Variants in LHX4 observed in about 807,000 individuals in gnomAD.
LHX4 encodes LIM homeobox 4.
LHX4 carries 16 observed loss-of-function variants against 39.2 expected under a neutral mutation model. The ratio of observed to expected loss-of-function variants is 0.41; its 90% CI spans 0.28 to 0.62. LHX4 has a LOEUF of 0.62. LHX4 is among the 20% of genes least tolerant of loss of function. The pLI is 0.33. For missense variants in LHX4, 439 were observed against 511.9 expected (o/e 0.86, Z 1.37); for synonymous variants, 206 against 198.1 (o/e 1.04, Z -0.33).
At chr1:180,271,722 C>A in intron 4 of LHX4, 113 bp from the exon 5 acceptor site, 1 of 1,338,098 alleles carries the variant, frequency 7.5e-7, no homozygotes, top group Non-Finnish European at 1.1e-6. Context: ...CACTCCCAGA[C>A]CTGTGCTCCA....
In LHX4 at chr1:180,266,860, G is replaced by A. The variant is rs918323387; in HGVS notation, c.451+266G>A. ...GCCTGTCTCCATGGTAGGCTCAGAA[G>A]CAGCCAAGAACCTGGTTGTTACCAT... On this transcript the variant is annotated intron_variant, in intron 3 of 5. Coordinates refer to ENST00000263726, the MANE Select transcript of LHX4 (RefSeq NM_033343.4). The surrounding 1 kb of genome is among the most constrained non-coding windows in gnomAD (Gnocchi z 5.7). Among the ~76,000 whole-genome samples the A allele has an allele frequency of 5.4e-4, 82 of 152,360 alleles. No individual in the cohort carries two copies. The highest frequency in any genetic ancestry group is 2.6e-3 in the Admixed American group (40 of 15,306).
chr1:180,271,683 C>T, intron 4 of LHX4, 149 bp downstream of exon 4: 1 of 1,311,318 alleles, frequency 7.6e-7, no homozygotes, highest in Non-Finnish European at 1.1e-6. Context: ...TTCTGAGGCC[C>T]ACCTGGGGAG....
rs139824580 is a variant in LHX4, at chr1:180,248,680, A to C, written c.248+224A>C. On this transcript the variant is annotated intron_variant, in intron 2 of 5. Transcript: ENST00000263726. The stretch of plus-strand genomic sequence containing the variant: ...CCTCTAGACCTCATTTGATCTCTGC[A>C]TGGGGCAGGGGTGAGGAGCCAGAGG... 774 of 614,534 alleles carry C rather than the reference A, an allele frequency of 1.3e-3. 3 individuals carry two copies. Among genetic ancestry groups the C allele is most frequent in the African/African-American group, 0.012 (680 of 55,428 alleles). The allele number at this position is 614,534 out of a possible 1,614,324, so 38.1% of individuals were successfully genotyped here.
At position 180,274,206 on chromosome 1, in the gene LHX4, T is replaced by A; in HGVS notation, c.800T>A (p.Leu267His). The A allele has an allele frequency of 6.2e-7, 1 of 1,614,222 alleles. No homozygotes were observed. The highest frequency in any genetic ancestry group is 1.3e-5 in the African/African-American group (1 of 75,054). The change falls in exon 6 of 6, where the codon CTT becomes CAT. Residue 267 changes from leucine (L) to histidine (H), a missense_variant. Transcript: ENST00000263726. Reference sequence around the variant, plus strand: ...ACAGAGGATCAAATTCTCTCAGAACTTGGCCACACCAATAGGATTTATGGC... The same window carrying A: ...ACAGAGGATCAAATTCTCTCAGAACATGGCCACACCAATAGGATTTATGGC... ...SFREDQILSE[L>H]GHTNRIYGNV... is the part of the protein sequence containing the mutation.
intron 1 of LHX4, among the ~76,000 whole-genome samples, chr1:180,242,458 T>C (rs912454875): frequency 1.3e-5 from 2 of 152,170 alleles, no homozygotes; most frequent in Admixed American, 1.3e-4. Flanking sequence ...TGCATGTCTA[T>C]GTATATAAGT....
chr1:180,266,694 C>A lies in LHX4; in HGVS notation c.451+100C>A. ...CTCATGGCGTCCCACCTGCCCATCC[C>A]TCAGAGCCCTACTCATGCACCGCCA... is the stretch of plus-strand genomic sequence containing the variant. On this transcript the variant is annotated intron_variant, in intron 3 of 5. Coordinates refer to ENST00000263726, the MANE Select transcript of LHX4 (RefSeq NM_033343.4). The surrounding 1 kb of genome is among the most constrained non-coding windows in gnomAD (Gnocchi z 5.7). The A allele has an allele frequency of 8.6e-7, 1 of 1,166,688 alleles. No individual in the cohort carries two copies. Among genetic ancestry groups the A allele is most frequent in the Non-Finnish European group, 1.2e-6 (1 of 802,068 alleles). 72.3% of individuals were successfully genotyped at this position (1,166,688 alleles called of 1,614,324 possible).
At chr1:180,239,138 G>C (rs1434760463) in intron 1 of LHX4, among the ~76,000 whole-genome samples, 1 of 152,194 alleles carries the variant, frequency 6.6e-6, no homozygotes, top group African/African-American at 2.4e-5. Flanking sequence ...CAGAACTCAG[G>C]TATGTGTTTA....
intron 1 of LHX4, among the ~76,000 whole-genome samples, chr1:180,239,693 C>T (rs539563971): frequency 2.0e-4 from 31 of 152,210 alleles, no homozygotes; most frequent in South Asian, 6.2e-4. Flanking sequence ...ACTGTGTACC[C>T]GTAGGGAAGC....
intron 1 of LHX4, among the ~76,000 whole-genome samples, 154 bp from the exon 2 acceptor site, chr1:180,248,131 A>G (rs1317595648): frequency 6.6e-6 from 1 of 152,202 alleles, no homozygotes; most frequent in African/African-American, 2.4e-5. Flanking sequence ...TTTGTGTGCA[A>G]TGTATAACCT....
chr1:180,228,398 G>T (rs879074386), upstream of LHX4, among the ~76,000 whole-genome samples: 23 of 152,184 alleles, frequency 1.5e-4, no homozygotes, highest in African/African-American at 5.3e-4. Context: ...CAGTATTGGT[G>T]AGTGTCCAAG....
At chr1:180,272,609 T>C (rs942162215) in intron 5 of LHX4, 2 of 152,536 alleles carry the variant, frequency 1.3e-5, no homozygotes, top group Non-Finnish European at 2.9e-5. Context: ...AAATTGTAAA[T>C]TACTGCATGT....
intron 1 of LHX4, among the ~76,000 whole-genome samples, chr1:180,235,077 G>T (rs1185206257): frequency 6.6e-6 from 1 of 152,234 alleles, no homozygotes; most frequent in African/African-American, 2.4e-5. Flanking sequence ...CAGGGCGGCC[G>T]GCCCTTCGCG....
Position 180,271,668 on chromosome 1 carries a change from C to CA in LHX4, c.606+135dup, listed in dbSNP as rs1571294733. On this transcript the variant is annotated intron_variant, in intron 4 of 5. Coordinates refer to ENST00000263726, the MANE Select transcript of LHX4 (RefSeq NM_033343.4). ...CCAGGGCTTTTGCCAGAACTGAAGA[C>CA]AGAGTTCTGAGGCCCACCTGGGGAG... 3.0e-6 allele frequency: 4 copies of CA among 1,350,348 alleles called. No individual in the cohort carries two copies. In the East Asian group the frequency reaches 9.2e-5, roughly 31 times the overall value. The allele number at this position is 1,350,348 out of a possible 1,614,324, so 83.6% of individuals were successfully genotyped here. A position where few individuals can be genotyped will look rare whatever the true frequency, so the allele number is the denominator to read the frequency against.
In LHX4 at chr1:180,248,725, A is replaced by G. The variant is rs1647484479; in HGVS notation, c.248+269A>G. 9 of 507,564 alleles carry G rather than the reference A, an allele frequency of 1.8e-5. No homozygotes were observed. In the South Asian group the frequency reaches 1.8e-4, roughly 10 times the overall value. The allele number at this position is 507,564 out of a possible 1,614,324, so 31.4% of individuals were successfully genotyped here. A position where few individuals can be genotyped will look rare whatever the true frequency, so the allele number is the denominator to read the frequency against. The stretch of plus-strand genomic sequence containing the variant: ...CAGAGGCCTTGGGCTAGATTTCTCC[A>G]GGGTGGTTGACAAAGTTCTGCAAAT... On this transcript the variant is annotated intron_variant, in intron 2 of 5. Transcript: ENST00000263726.
chr1:180,253,668 C>T (rs1647723091), intron 2 of LHX4, among the ~76,000 whole-genome samples: 1 of 152,210 alleles, frequency 6.6e-6, no homozygotes, highest in Non-Finnish European at 1.5e-5. Flanking sequence ...CACGCTAACC[C>T]ACCGAGCTAG....
rs1013719728 is a variant in LHX4, at chr1:180,276,122, TAAATG to T, written c.*1545_*1549del. The T allele has an allele frequency of 1.3e-5, 2 of 152,174 alleles. No homozygotes were observed. Among genetic ancestry groups the T allele is most frequent in the African/African-American group, 4.8e-5 (2 of 41,440 alleles). 9.4% of individuals were successfully genotyped at this position (152,174 alleles called of 1,614,324 possible). A position where few individuals can be genotyped will look rare whatever the true frequency, so the allele number is the denominator to read the frequency against. On this transcript the variant is annotated 3_prime_UTR_variant, in exon 6 of 6. Transcript: ENST00000263726. ...TGCTTCTTCTGGCCTCCCATTCTCT[TAAATG>T]AGATCAGCAGAGTAGGAAAGGGTGA...
chr1:180,246,427 T>C (rs2149255868), intron 1 of LHX4, among the ~76,000 whole-genome samples: 1 of 152,312 alleles, frequency 6.6e-6, no homozygotes, highest in Admixed American at 6.5e-5. Flanking sequence ...AAAACATGTA[T>C]GAGGCCAGGC....
intron 2 of LHX4, among the ~76,000 whole-genome samples, chr1:180,260,388 C>T (rs776326763): frequency 6.6e-6 from 1 of 151,726 alleles, no homozygotes; most frequent in Non-Finnish European, 1.5e-5. Context: ...GCAGGGCCTG[C>T]CTGCTGCCCC....
intron 1 of LHX4, among the ~76,000 whole-genome samples, chr1:180,231,147 G>A (rs924518384): frequency 6.6e-6 from 1 of 151,140 alleles, no homozygotes; most frequent in Non-Finnish European, 1.5e-5. Flanking sequence ...TACTGCCCGC[G>A]GCGCCCGCCG....
Sources: allele counts gnomAD v4.1 joint callset (sites outside exome capture counted in the v4.1 genomes callset), GRCh38; gene constraint gnomAD v4.1.1; non-coding constraint Gnocchi (gnomAD v3.1); transcripts MANE v1.5; gene names NCBI Gene and HGNC (gene_info 2026-07-23, HGNC 2026-07-21).